Variants in NEK7 observed in about 807,000 individuals in gnomAD.
NEK7 encodes the protein serine/threonine-protein kinase Nek7.
Under a neutral mutation model 44.6 loss-of-function variants are expected in NEK7, and 18 were observed. That is an observed-to-expected ratio of 0.40 (90% CI 0.28 to 0.60). The LOEUF (loss-of-function observed/expected upper bound fraction) is 0.60. Ranked by LOEUF, NEK7 falls within the 20% of genes least tolerant of loss-of-function variation. NEK7 has a pLI of 0.38. For synonymous variants in NEK7, 130 were observed against 121.1 expected, an observed-to-expected ratio of 1.07 and a Z score of -0.48; for missense variants, 256 against 366.5, an observed-to-expected ratio of 0.70 and a Z score of 2.46.
intron 1 of NEK7, among the ~76,000 whole-genome samples, chr1:198,176,749 G>A (rs985680196): frequency 5.3e-5 from 8 of 152,030 alleles, no homozygotes; most frequent in African/African-American, 1.7e-4. Context: ...GAGGACTTAC[G>A]TAGAGGTAAG....
At chr1:198,315,310 C>T (rs1655331101) in intron 9 of NEK7, among the ~76,000 whole-genome samples, 1 of 152,226 alleles carries the variant, frequency 6.6e-6, no homozygotes, top group African/African-American at 2.4e-5. Flanking sequence ...ATGGTGCGCG[C>T]ACCCACTGAC....
intron 9 of NEK7, among the ~76,000 whole-genome samples, chr1:198,300,700 TA>T (rs914685275): frequency 6.6e-6 from 1 of 152,156 alleles, no homozygotes; most frequent in African/African-American, 2.4e-5. Flanking sequence ...TGACACATTT[TA>T]AAAGGCTTAG....
intron 5 of NEK7, among the ~76,000 whole-genome samples, chr1:198,265,137 G>T (rs972580113): frequency 9.9e-5 from 15 of 152,054 alleles, no homozygotes; most frequent in Non-Finnish European, 1.6e-4. Flanking sequence ...AAGAGTACAT[G>T]CTGGCTTTAT....
intron 2 of NEK7, among the ~76,000 whole-genome samples, chr1:198,249,749 G>A (rs1412493455): frequency 7.7e-5 from 11 of 141,964 alleles, no homozygotes; most frequent in African/African-American, 3.0e-4. Context: ...TTTTTTTCTT[G>A]TAAATTTGTT....
chr1:198,170,702 T>C (rs960478911), intron 1 of NEK7, among the ~76,000 whole-genome samples: 3 of 152,224 alleles, frequency 2.0e-5, no homozygotes, highest in Non-Finnish European at 2.9e-5. Context: ...TAATTGTGAA[T>C]TGATGGTTTG....
chr1:198,190,663 G>C (rs974355996), intron 1 of NEK7, among the ~76,000 whole-genome samples: 2 of 151,956 alleles, frequency 1.3e-5, no homozygotes, highest in African/African-American at 4.8e-5. Context: ...AAATGCAAAT[G>C]TATCTGTAAT....
intron 9 of NEK7, among the ~76,000 whole-genome samples, chr1:198,303,008 A>C (rs1027623179): frequency 3.3e-4 from 50 of 152,256 alleles, no homozygotes; most frequent in African/African-American, 1.2e-3. Context: ...CCTTTCACTC[A>C]CCATCTTTAT....
chr1:198,212,368 C>A (rs765223125), intron 1 of NEK7, among the ~76,000 whole-genome samples: 5 of 152,196 alleles, frequency 3.3e-5, no homozygotes, highest in African/African-American at 7.2e-5. Flanking sequence ...GCCTGGAATT[C>A]AGCTAGCCGC....
At chr1:198,235,343 ATT>A (rs1251604275) in intron 2 of NEK7, among the ~76,000 whole-genome samples, 1 of 151,512 alleles carries the variant, frequency 6.6e-6, no homozygotes, top group Non-Finnish European at 1.5e-5. Context: ...GTATTTTGAA[ATT>A]TTTTCTATCA....
At chr1:198,190,471 T>G (rs1008572564) in intron 1 of NEK7, among the ~76,000 whole-genome samples, 1 of 152,066 alleles carries the variant, frequency 6.6e-6, no homozygotes, top group African/African-American at 2.4e-5. Flanking sequence ...AGTATACTGT[T>G]TTATGGACTT....
chr1:198,297,450 T>G (rs546439239), intron 9 of NEK7, among the ~76,000 whole-genome samples: 1 of 152,336 alleles, frequency 6.6e-6, no homozygotes, highest in South Asian at 2.1e-4. Context: ...CAACACAGCA[T>G]GTGGTGTAAA....
intron 1 of NEK7, among the ~76,000 whole-genome samples, chr1:198,194,299 CTT>C (rs530096391): frequency 1.1e-4 from 14 of 132,038 alleles, no homozygotes; most frequent in African/African-American, 8.8e-5. Flanking sequence ...CTTTTTCTTT[CTT>C]TTTTTTTTTT....
intron 1 of NEK7, among the ~76,000 whole-genome samples, chr1:198,201,261 A>G (rs1157362678): frequency 2.0e-5 from 3 of 152,048 alleles, no homozygotes; most frequent in Non-Finnish European, 4.4e-5. Flanking sequence ...GCCGCAAAGT[A>G]TTTCAGTTTT....
chr1:198,257,494 T>C (rs1653307442), intron 3 of NEK7, among the ~76,000 whole-genome samples: 2 of 152,178 alleles, frequency 1.3e-5, no homozygotes, highest in Admixed American at 1.3e-4. Flanking sequence ...TTTAATATAT[T>C]CGTAACCTCT....
intron 1 of NEK7, among the ~76,000 whole-genome samples, chr1:198,168,789 A>G (rs566323217): frequency 4.4e-4 from 67 of 152,324 alleles, no homozygotes; most frequent in African/African-American, 1.4e-3. Context: ...CTGAAAGTGA[A>G]TGAAATGATT....
At chr1:198,237,513 T>C (rs1378599426) in intron 2 of NEK7, among the ~76,000 whole-genome samples, 1 of 152,108 alleles carries the variant, frequency 6.6e-6, no homozygotes, top group Non-Finnish European at 1.5e-5. Flanking sequence ...ATTCCTAACT[T>C]CCTCCTATTT....
intron 2 of NEK7, among the ~76,000 whole-genome samples, chr1:198,238,970 C>G (rs1454416748): frequency 6.6e-6 from 1 of 152,148 alleles, no homozygotes; most frequent in African/African-American, 2.4e-5. Context: ...GTCTTATACT[C>G]ATGTTTAGGC....
intron 5 of NEK7, among the ~76,000 whole-genome samples, chr1:198,266,504 A>C (rs1343135489): frequency 7.2e-5 from 11 of 152,200 alleles, no homozygotes. Flanking sequence ...ATATACCTGC[A>C]GTTGTAATGA....
intron 1 of NEK7, among the ~76,000 whole-genome samples, chr1:198,176,688 G>T (rs1664612347): frequency 1.3e-5 from 2 of 152,142 alleles, no homozygotes; most frequent in South Asian, 4.1e-4. Flanking sequence ...GATCATGAGG[G>T]TCTGGGATAA....
Sources: allele counts gnomAD v4.1 joint callset (sites outside exome capture counted in the v4.1 genomes callset), GRCh38; gene constraint gnomAD v4.1.1; transcripts MANE v1.5; gene names NCBI Gene and HGNC (gene_info 2026-07-23, HGNC 2026-07-21).